SLC14A2: variants seen among roughly 807,000 people sequenced by gnomAD.
The protein encoded by SLC14A2 is urea transporter 2.
In SLC14A2, 91 loss-of-function variants were observed where a neutral mutation model predicts 104.6. That is an observed-to-expected ratio of 0.87 (90% CI 0.73 to 1.04). The LOEUF (loss-of-function observed/expected upper bound fraction) is 1.04, where lower values mean the gene tolerates loss of function less well. SLC14A2 is among the 50% of genes least tolerant of loss of function. The probability of loss-of-function intolerance (pLI) is 0.00; values close to 1 mark genes in which losing one functional copy is unlikely to be tolerated. For synonymous variants in SLC14A2, 476 were observed against 466.4 expected (o/e 1.02, Z -0.27); for missense variants, 1,189 against 1,156.0 (o/e 1.03, Z -0.41).
chr18:45,385,572 TATG>T (rs1045896418), intron 1 of SLC14A2, among the ~76,000 whole-genome samples: 4 of 152,216 alleles, frequency 2.6e-5, no homozygotes, highest in Admixed American at 2.0e-4. Context: ...ATATTCAATA[TATG>T]TCAGGTGCTG....
At chr18:45,676,621 A>G (rs1053463472) in intron 18 of SLC14A2, among the ~76,000 whole-genome samples, 3 of 152,158 alleles carry the variant, frequency 2.0e-5, no homozygotes, top group African/African-American at 7.2e-5. Context: ...CTGGCATCTA[A>G]TGGGTAAAAT....
intron 1 of SLC14A2, among the ~76,000 whole-genome samples, chr18:45,436,315 A>G (rs938071485): frequency 6.6e-6 from 1 of 152,236 alleles, no homozygotes; most frequent in Non-Finnish European, 1.5e-5. Context: ...CAGTAACAGC[A>G]TGGATCTATA....
At chr18:45,416,596 G>A (rs2144507076) in intron 1 of SLC14A2, among the ~76,000 whole-genome samples, 1 of 152,184 alleles carries the variant, frequency 6.6e-6, no homozygotes, top group African/African-American at 2.4e-5. Flanking sequence ...GGTCTTTGTT[G>A]TATATGATCA....
At chr18:45,670,073 C>T (rs1356800929) in intron 16 of SLC14A2, among the ~76,000 whole-genome samples, 1 of 152,100 alleles carries the variant, frequency 6.6e-6, no homozygotes, top group Admixed American at 6.5e-5. Context: ...GGCTGCAGTG[C>T]GCTGTGATTG....
intron 2 of SLC14A2, among the ~76,000 whole-genome samples, chr18:45,538,346 T>C (rs1165599956): frequency 6.6e-6 from 1 of 152,250 alleles, no homozygotes; most frequent in Non-Finnish European, 1.5e-5. Context: ...TTTGGGATCT[T>C]TTAATTACAT....
chr18:45,310,776 G>C (rs2085070451), intron 1 of SLC14A2, among the ~76,000 whole-genome samples: 1 of 152,234 alleles, frequency 6.6e-6, no homozygotes, highest in African/African-American at 2.4e-5. Context: ...TGCTCAGGCA[G>C]ATATTAAAGC....
At chr18:45,378,801 G>A (rs2085802730) in intron 1 of SLC14A2, among the ~76,000 whole-genome samples, 1 of 152,060 alleles carries the variant, frequency 6.6e-6, no homozygotes, top group African/African-American at 2.4e-5. Flanking sequence ...TTTTAGGACT[G>A]GGTTTTGCCA....
intron 2 of SLC14A2, chr18:45,529,316 G>A (rs2043645710): frequency 6.6e-6 from 1 of 152,008 alleles, no homozygotes; most frequent in South Asian, 2.1e-4. Context: ...CTTTCCAATT[G>A]GTTGTCTGGC....
Position 45,588,527 on chromosome 18 carries a change from T to C in SLC14A2, c.-34-36104T>C, listed in dbSNP as rs2852297. On this transcript the variant is annotated intron_variant, in intron 2 of 20. Coordinates refer to the SLC14A2 transcript ENST00000586448. ...TGAGGAGAAATGACCTTAAGTCATG[T>C]GACATCCATCGGCCCTGTGAAAGAC... 2.9e-3 allele frequency among the ~76,000 whole-genome samples: 445 copies of C among 152,352 alleles called. 3 individuals are homozygous for C. The highest frequency in any genetic ancestry group is 0.01 in the African/African-American group (423 of 41,588).
At chr18:45,502,265 G>A (rs2043210341) in intron 2 of SLC14A2, among the ~76,000 whole-genome samples, 1 of 152,202 alleles carries the variant, frequency 6.6e-6, no homozygotes, top group Admixed American at 6.5e-5. Flanking sequence ...GGAAATCTTT[G>A]AGAAACTCTC....
chr18:45,375,443 G>A (rs963555468), intron 1 of SLC14A2, among the ~76,000 whole-genome samples: 1 of 152,012 alleles, frequency 6.6e-6, no homozygotes, highest in Non-Finnish European at 1.5e-5. Flanking sequence ...CTCAGCACAA[G>A]AGGACAGCTT....
At chr18:45,285,813 T>G (rs950682590) in intron 1 of SLC14A2, among the ~76,000 whole-genome samples, 1 of 152,064 alleles carries the variant, frequency 6.6e-6, no homozygotes, top group African/African-American at 2.4e-5. Context: ...TGTGGTCTCC[T>G]CTTTGGGGCA....
In SLC14A2 at chr18:45,580,836, G is replaced by A. The variant is rs553831337; in HGVS notation, c.-34-43795G>A. Among the ~76,000 whole-genome samples, 28 of 152,234 alleles carry A rather than the reference G, an allele frequency of 1.8e-4. 1 individual carries two copies. The South Asian group carries it at 5.6e-3, about 30-fold the overall frequency. Reference sequence around the variant, plus strand: ...AGATTGTAATTTAAGGCAGACAGTGGGCAAGGGATTCAACTTTAAGATGAG... The same window carrying A: ...AGATTGTAATTTAAGGCAGACAGTGAGCAAGGGATTCAACTTTAAGATGAG... On this transcript the variant is annotated intron_variant, in intron 2 of 20. Transcript: ENST00000586448.
intron 1 of SLC14A2, among the ~76,000 whole-genome samples, chr18:45,391,497 C>T (rs2085964208): frequency 6.6e-6 from 1 of 152,190 alleles, no homozygotes; most frequent in South Asian, 2.1e-4. Flanking sequence ...TGAGGAATCG[C>T]CCCACTGACT....
At chr18:45,227,582 T>C (rs2084132164) in intron 1 of SLC14A2, among the ~76,000 whole-genome samples, 1 of 152,206 alleles carries the variant, frequency 6.6e-6, no homozygotes, top group South Asian at 2.1e-4. Flanking sequence ...GGAGCCCTCC[T>C]GGCCTGATCA....
At chr18:45,634,995 C>A in intron 5 of SLC14A2, 38 of 322,472 alleles carry the variant, frequency 1.2e-4, no homozygotes, top group South Asian at 1.7e-4. Flanking sequence ...AAGATAGAGG[C>A]AATATAACTT....
At chr18:45,553,875 C>T (rs1002032895) in intron 2 of SLC14A2, among the ~76,000 whole-genome samples, 24 of 152,202 alleles carry the variant, frequency 1.6e-4, no homozygotes, top group African/African-American at 4.6e-4. Flanking sequence ...GCCTATAACA[C>T]GCTCAATAAG....
chr18:45,619,353 G>A (rs1005356900), intron 1 of SLC14A2, among the ~76,000 whole-genome samples: 2 of 152,206 alleles, frequency 1.3e-5, no homozygotes, highest in Admixed American at 1.3e-4. Flanking sequence ...GCTTCTCCTG[G>A]GCACTCGAAT....
At chr18:45,594,588 G>T (rs889708403) in intron 2 of SLC14A2, among the ~76,000 whole-genome samples, 6 of 152,098 alleles carry the variant, frequency 3.9e-5, no homozygotes, top group African/African-American at 1.4e-4. Flanking sequence ...CATCTGAACA[G>T]CAGGGCAGAC....
Sources: gnomAD v4.1 joint callset for allele counts (sites outside exome capture counted in the v4.1 genomes callset) on GRCh38, gnomAD v4.1.1 for gene constraint, MANE v1.5 for transcripts, NCBI Gene and HGNC (gene_info 2026-07-23, HGNC 2026-07-21) for gene names.